Variants in BCKDHB observed in about 807,000 individuals in gnomAD.
The protein encoded by BCKDHB is branched chain keto acid dehydrogenase E1 subunit beta, also known as 2-oxoisovalerate dehydrogenase subunit beta, mitochondrial.
BCKDHB carries 41 observed loss-of-function variants against 48.5 expected under a neutral mutation model. The ratio of observed to expected loss-of-function variants is 0.85; its 90% confidence interval spans 0.66 to 1.10. BCKDHB has a LOEUF of 1.10. BCKDHB is among the 50% of genes least tolerant of loss of function. The probability of loss-of-function intolerance (pLI) is 0.00; values close to 1 mark genes in which losing one functional copy is unlikely to be tolerated. For synonymous variants in BCKDHB, 201 were observed against 174.8 expected (o/e 1.15, Z -1.18); for missense variants, 496 against 494.2 (o/e 1.00, Z -0.03).
At chr6:80,374,126 C>T in the BCKDHB span, 3 of 709,410 alleles carry the variant, frequency 4.2e-6, no homozygotes, top group Non-Finnish European at 7.8e-6. Context: ...CAGTAAGGCT[C>T]ATCTCAATGT....
chr6:80,464,929 CT>C, the BCKDHB span, among the ~76,000 whole-genome samples: 1 of 152,222 alleles, frequency 6.6e-6, no homozygotes, highest in Non-Finnish European at 1.5e-5. Flanking sequence ...AGAGCACCTA[CT>C]GTTATTTGGT....
chr6:80,228,869 A>C (rs1535825), intron 8 of BCKDHB, among the ~76,000 whole-genome samples: 2 of 151,866 alleles, frequency 1.3e-5, no homozygotes, highest in African/African-American at 2.4e-5. Context: ...AAAGTATAGC[A>C]GTGGAGAGAT....
chr6:80,226,640 A>AAT (rs1182569213), intron 8 of BCKDHB, among the ~76,000 whole-genome samples: 2 of 152,230 alleles, frequency 1.3e-5, no homozygotes, highest in Non-Finnish European at 2.9e-5. Context: ...ACTCACCAGA[A>AAT]ATATACAATA....
intron 8 of BCKDHB, among the ~76,000 whole-genome samples, chr6:80,264,884 T>G (rs1252979232): frequency 6.6e-6 from 1 of 151,926 alleles, no homozygotes; most frequent in Non-Finnish European, 1.5e-5. Flanking sequence ...ACAGGGGGAT[T>G]AAAAAATGGA....
intron 8 of BCKDHB, among the ~76,000 whole-genome samples, chr6:80,259,489 C>T (rs79260839): frequency 6.6e-6 from 1 of 152,112 alleles, no homozygotes; most frequent in Non-Finnish European, 1.5e-5. Flanking sequence ...ATGAACTTCA[C>T]ATAGTATAGG....
At chr6:80,326,911 C>A (rs1004287076) in intron 9 of BCKDHB, among the ~76,000 whole-genome samples, 3 of 152,108 alleles carry the variant, frequency 2.0e-5, no homozygotes, top group Admixed American at 6.6e-5. Context: ...CAGAGTCACA[C>A]AGATGTTTAC....
At chr6:80,458,690 A>G in the BCKDHB span, among the ~76,000 whole-genome samples, 907 of 152,322 alleles carry the variant, frequency 6.0e-3, 9 homozygotes, top group African/African-American at 0.02. Flanking sequence ...TAACTATAGT[A>G]ATCAATAAAT....
the BCKDHB span, among the ~76,000 whole-genome samples, chr6:80,442,297 C>G: frequency 6.6e-6 from 1 of 152,092 alleles, no homozygotes; most frequent in East Asian, 1.9e-4. Context: ...TTCAAAACTT[C>G]TGAAACACTT....
At chr6:80,421,527 A>G in the BCKDHB span, among the ~76,000 whole-genome samples, 1 of 152,198 alleles carries the variant, frequency 6.6e-6, no homozygotes, top group Non-Finnish European at 1.5e-5. Flanking sequence ...AGATGAGGGA[A>G]AGATTGGAAC....
intron 3 of BCKDHB, among the ~76,000 whole-genome samples, chr6:80,163,794 G>A (rs1772438972): frequency 2.0e-5 from 3 of 152,100 alleles, no homozygotes; most frequent in Admixed American, 1.3e-4. Flanking sequence ...CCCTTTCTCA[G>A]TTACTGGGAA....
At chr6:80,392,808 A>G in the BCKDHB span, among the ~76,000 whole-genome samples, 1 of 150,994 alleles carries the variant, frequency 6.6e-6, no homozygotes, top group Non-Finnish European at 1.5e-5. Flanking sequence ...CTGCTTCATC[A>G]TAGCTTAACC....
the BCKDHB span, among the ~76,000 whole-genome samples, chr6:80,426,926 A>T: frequency 6.6e-6 from 1 of 152,078 alleles, no homozygotes; most frequent in Admixed American, 6.5e-5. Flanking sequence ...AACTTCTAAA[A>T]TCTTTAAACT....
chr6:80,462,247 T>G, the BCKDHB span, among the ~76,000 whole-genome samples: 222 of 152,338 alleles, frequency 1.5e-3, 2 homozygotes, highest in African/African-American at 5.2e-3. Context: ...CAATGCCTAT[T>G]TACTTATCTT....
chr6:80,112,446 G>A (rs1769458273), intron 1 of BCKDHB, among the ~76,000 whole-genome samples: 1 of 152,110 alleles, frequency 6.6e-6, no homozygotes, highest in Non-Finnish European at 1.5e-5. Context: ...ACAAAAGCCT[G>A]GATACATGCA....
chr6:80,216,797 C>T (rs569512779), intron 8 of BCKDHB, among the ~76,000 whole-genome samples: 13 of 152,158 alleles, frequency 8.5e-5, no homozygotes, highest in African/African-American at 1.4e-4. Flanking sequence ...GCTTTTTTTA[C>T]GAAATTGTAT....
chr6:80,361,907 C>G, the BCKDHB span, among the ~76,000 whole-genome samples: 1 of 152,116 alleles, frequency 6.6e-6, no homozygotes, highest in East Asian at 1.9e-4. Context: ...TGGGAGAGAG[C>G]TAGAGAGTTG....
chr6:80,153,357 A>C (rs2077308068), intron 3 of BCKDHB, among the ~76,000 whole-genome samples: 1 of 151,974 alleles, frequency 6.6e-6, no homozygotes, highest in Non-Finnish European at 1.5e-5. Context: ...CCCACCCTTC[A>C]TCCCAGATAG....
At chr6:80,113,768 C>G (rs1769537832) in intron 1 of BCKDHB, among the ~76,000 whole-genome samples, 1 of 152,182 alleles carries the variant, frequency 6.6e-6, no homozygotes, top group Non-Finnish European at 1.5e-5. Flanking sequence ...GAAAAATGCA[C>G]TCCACAGGGT....
At chr6:80,111,161 AT>A (rs1769388730) in intron 1 of BCKDHB, among the ~76,000 whole-genome samples, 1 of 152,208 alleles carries the variant, frequency 6.6e-6, no homozygotes, top group Non-Finnish European at 1.5e-5. Flanking sequence ...CATTCCCATA[AT>A]GGTCGTGGAC....
Sources: allele counts gnomAD v4.1 joint callset (sites outside exome capture counted in the v4.1 genomes callset), GRCh38; gene constraint gnomAD v4.1.1; transcripts MANE v1.5; gene names NCBI Gene and HGNC (gene_info 2026-07-23, HGNC 2026-07-21).